DCLK1: variants seen among roughly 807,000 people sequenced by gnomAD.
DCLK1 encodes the protein doublecortin like kinase 1, also known as serine/threonine-protein kinase DCLK1.
A neutral mutation model predicts 86.2 loss-of-function variants in DCLK1; 16 were observed. The ratio of observed to expected loss-of-function variants is 0.19; its 90% CI spans 0.13 to 0.28. DCLK1 has a LOEUF of 0.28. Ranked by LOEUF, DCLK1 falls within the 10% of genes least tolerant of loss-of-function variation. The pLI is 1.00. For missense variants in DCLK1, 590 were observed against 940.2 expected, an observed-to-expected ratio of 0.63 and a Z score of 4.87; for synonymous variants, 369 against 370.5, an observed-to-expected ratio of 1.00 and a Z score of 0.05.
At chr13:35,976,960 C>G (rs1411087900) in intron 3 of DCLK1, among the ~76,000 whole-genome samples, 2 of 152,102 alleles carry the variant, frequency 1.3e-5, no homozygotes, top group South Asian at 4.2e-4. Flanking sequence ...ATTAACAAAG[C>G]CTCAGGAAGG....
intron 4 of DCLK1, among the ~76,000 whole-genome samples, chr13:35,938,575 G>A (rs2153131094): frequency 6.6e-6 from 1 of 152,034 alleles, no homozygotes; most frequent in East Asian, 1.9e-4. Context: ...GTTTCAGTGA[G>A]CCAAGATCGC....
At position 35,870,599 on chromosome 13, in the gene DCLK1, C is replaced by T. The variant is rs550857142; in HGVS notation, c.940+625G>A. Among the ~76,000 whole-genome samples the T allele has an allele frequency of 3.9e-5, 6 of 152,280 alleles. No homozygotes were observed. In the South Asian group the frequency reaches 1.0e-3, roughly 26 times the overall value. ...CTTTAATAACAATAGAGACCCTTCA[C>T]CTGAGACAAACAAAGAAGACACTTT... On this transcript the variant is annotated intron_variant, in intron 5 of 16. Coordinates refer to ENST00000360631, the MANE Select transcript of DCLK1 (RefSeq NM_001330071.2).
intron 3 of DCLK1, among the ~76,000 whole-genome samples, chr13:36,066,751 A>G (rs1268409234): frequency 2.0e-5 from 3 of 152,200 alleles, no homozygotes; most frequent in Admixed American, 1.3e-4. Context: ...GGCGAAGGAC[A>G]TGAACAGACA....
chr13:36,070,385 C>T (rs1883927062), intron 3 of DCLK1, among the ~76,000 whole-genome samples: 1 of 152,150 alleles, frequency 6.6e-6, no homozygotes, highest in Non-Finnish European at 1.5e-5. Context: ...TACTGGACTT[C>T]GCTATTCTAC....
chr13:35,939,347 A>G (rs890390607), intron 4 of DCLK1, among the ~76,000 whole-genome samples: 1 of 152,242 alleles, frequency 6.6e-6, no homozygotes, highest in Non-Finnish European at 1.5e-5. Context: ...AAGACAATGA[A>G]GAGCCACAAA....
chr13:35,794,523 C>A (rs1188706420), intron 15 of DCLK1, among the ~76,000 whole-genome samples: 1 of 152,186 alleles, frequency 6.6e-6, no homozygotes, highest in Non-Finnish European at 1.5e-5. Flanking sequence ...CGAGCTGGTC[C>A]CTCCACATGG....
chr13:35,858,896 C>A (rs931856752), intron 5 of DCLK1, among the ~76,000 whole-genome samples: 9 of 152,144 alleles, frequency 5.9e-5, no homozygotes, highest in Non-Finnish European at 1.3e-4. Context: ...TTCCTCTTGG[C>A]CATACAGAAG....
intron 3 of DCLK1, among the ~76,000 whole-genome samples, chr13:36,105,330 TTTG>T (rs1412056549): frequency 1.3e-5 from 2 of 152,218 alleles, no homozygotes; most frequent in African/African-American, 4.8e-5. Flanking sequence ...CCAAAAAAAA[TTTG>T]TTAAGTGTCA....
At chr13:35,840,531 A>G (rs1226030016) in intron 6 of DCLK1, among the ~76,000 whole-genome samples, 2 of 152,246 alleles carry the variant, frequency 1.3e-5, no homozygotes, top group Non-Finnish European at 2.9e-5. Flanking sequence ...TCTACAGAAC[A>G]GGCTAAAAGT....
chr13:36,084,285 C>T lies in DCLK1; in HGVS notation c.723+27584G>A, dbSNP rs972135774. On this transcript the variant is annotated intron_variant, in intron 3 of 16. Coordinates refer to ENST00000360631, the MANE Select transcript of DCLK1 (RefSeq NM_001330071.2). ...GTTTGTCTTCCATTTCCCTTATCCCCAGACAGTTCATGATTCTTGGTTTTA... is the reference window on the plus strand; with the variant it reads ...GTTTGTCTTCCATTTCCCTTATCCCTAGACAGTTCATGATTCTTGGTTTTA... 7.2e-5 allele frequency among the ~76,000 whole-genome samples: 11 copies of T among 152,278 alleles called. No individual in the cohort carries two copies. In the East Asian group the frequency reaches 2.1e-3, roughly 29 times the overall value.
intron 4 of DCLK1, among the ~76,000 whole-genome samples, chr13:35,910,189 A>G (rs1388593435): frequency 6.6e-6 from 1 of 152,204 alleles, no homozygotes; most frequent in Non-Finnish European, 1.5e-5. Context: ...ACTTTCCGAT[A>G]AAAATTACAT....
intron 3 of DCLK1, among the ~76,000 whole-genome samples, chr13:36,027,083 G>A (rs891800859): frequency 2.6e-5 from 4 of 152,112 alleles, no homozygotes; most frequent in African/African-American, 9.7e-5. Context: ...ATTTTCACAT[G>A]GAGAGATTTT....
chr13:35,951,319 T>C (rs1877669631), intron 3 of DCLK1, among the ~76,000 whole-genome samples: 1 of 149,886 alleles, frequency 6.7e-6, no homozygotes, highest in Admixed American at 6.7e-5. Context: ...GGATGGATGA[T>C]ATGGATAGAT....
intron 6 of DCLK1, chr13:35,849,385 C>T: frequency 4.1e-6 from 4 of 985,020 alleles, no homozygotes; most frequent in Non-Finnish European, 4.8e-6. Context: ...TAAAAGCCTC[C>T]AAATGGCATC....
intron 4 of DCLK1, among the ~76,000 whole-genome samples, chr13:35,900,238 T>G (rs1593714372): frequency 8.1e-6 from 1 of 124,042 alleles, no homozygotes; most frequent in South Asian, 2.4e-4. Context: ...TTCAACTAAA[T>G]AAACTTTTTT....
chr13:36,029,310 G>A (rs1326385172), intron 3 of DCLK1, among the ~76,000 whole-genome samples: 3 of 152,140 alleles, frequency 2.0e-5, no homozygotes, highest in Non-Finnish European at 2.9e-5. Flanking sequence ...ATGAGTCATA[G>A]TGACATGACA....
intron 3 of DCLK1, among the ~76,000 whole-genome samples, chr13:36,108,601 T>A (rs567179362): frequency 6.6e-6 from 1 of 152,238 alleles, no homozygotes; most frequent in African/African-American, 2.4e-5. Context: ...GCGTCAACAG[T>A]TTTCATGCCA....
At chr13:35,862,505 A>G (rs1593673450) in intron 5 of DCLK1, among the ~76,000 whole-genome samples, 1 of 152,012 alleles carries the variant, frequency 6.6e-6, no homozygotes, top group Non-Finnish European at 1.5e-5. Context: ...AATTTTTTCC[A>G]CCGCCATGCC....
intron 4 of DCLK1, among the ~76,000 whole-genome samples, chr13:35,925,054 C>T (rs112060070): frequency 1.3e-5 from 2 of 152,336 alleles, no homozygotes; most frequent in African/African-American, 4.8e-5. Flanking sequence ...GTACCATCCA[C>T]TACAAGAGCA....
Sources: allele counts gnomAD v4.1 joint callset (sites outside exome capture counted in the v4.1 genomes callset), GRCh38; gene constraint gnomAD v4.1.1; transcripts MANE v1.5; gene names NCBI Gene and HGNC (gene_info 2026-07-23, HGNC 2026-07-21).